GADL1: variants seen among roughly 807,000 people sequenced by gnomAD.
The protein encoded by GADL1 is acidic amino acid decarboxylase GADL1.
Under a neutral mutation model 69.5 loss-of-function variants are expected in GADL1, and 71 were observed. That is an observed-to-expected ratio of 1.02 (90% CI 0.84 to 1.25). GADL1 has a LOEUF of 1.25. Ranked by LOEUF, GADL1 falls within the 50% of genes most tolerant of loss-of-function variation. The pLI is 0.00. For synonymous variants in GADL1, 254 were observed against 214.4 expected, an observed-to-expected ratio of 1.18 and a Z score of -1.62; for missense variants, 737 against 631.8, an observed-to-expected ratio of 1.17 and a Z score of -1.79.
At chr3:30,780,897 C>T (rs1326509231) in intron 13 of GADL1, among the ~76,000 whole-genome samples, 1 of 152,054 alleles carries the variant, frequency 6.6e-6, no homozygotes, top group Non-Finnish European at 1.5e-5. Flanking sequence ...TGAATTTTTG[C>T]AAAAATATAT....
intron 14 of GADL1, among the ~76,000 whole-genome samples, chr3:30,773,696 G>C (rs73061060): frequency 0.084 from 12,756 of 152,106 alleles, 736 homozygotes; most frequent in South Asian, 0.2. Flanking sequence ...GCTCTTTATA[G>C]TTGAATAGTT....
chr3:30,761,680 GA>G (rs1486245232), intron 14 of GADL1, among the ~76,000 whole-genome samples: 1 of 149,602 alleles, frequency 6.7e-6, no homozygotes, highest in Non-Finnish European at 1.5e-5. Flanking sequence ...AAAGGAATGA[GA>G]TTTTTTTAGA....
intron 11 of GADL1, among the ~76,000 whole-genome samples, chr3:30,807,965 G>GTGA (rs56887827): frequency 1.3e-5 from 2 of 152,062 alleles, no homozygotes; most frequent in African/African-American, 4.8e-5. Context: ...CCGGGAGGTG[G>GTGA]AGATTGCAGT....
At chr3:30,849,941 C>T in intron 6 of GADL1, 55 bp downstream of exon 6, 1 of 1,042,176 alleles carries the variant, frequency 9.6e-7, no homozygotes, top group Non-Finnish European at 1.5e-6. Context: ...AAACAAAGCC[C>T]TCTTAAATAT....
intron 1 of GADL1, among the ~76,000 whole-genome samples, chr3:30,866,230 G>A (rs1394543164): frequency 6.6e-6 from 1 of 152,032 alleles, no homozygotes; most frequent in Non-Finnish European, 1.5e-5. Context: ...GGCTGAGGCA[G>A]GCAGATCACT....
At chr3:30,752,547 A>G (rs1292234181) in intron 14 of GADL1, among the ~76,000 whole-genome samples, 2 of 152,190 alleles carry the variant, frequency 1.3e-5, no homozygotes, top group Non-Finnish European at 2.9e-5. Flanking sequence ...TTAAATCACC[A>G]TAACCACTCA....
chr3:30,858,096 C>G lies in GADL1; in HGVS notation c.211-955G>C, dbSNP rs78575216. ...CTTTTTACAAAGCACTTATCACCCT[C>G]TAATATACTGTTACTTATTGTATCC... On this transcript the variant is annotated intron_variant, in intron 2 of 14. Coordinates refer to ENST00000282538, the MANE Select transcript of GADL1 (RefSeq NM_207359.3). Among the ~76,000 whole-genome samples, 1,501 of 152,124 alleles carry G rather than the reference C, an allele frequency of 9.9e-3. 24 individuals are homozygous for G. The highest frequency in any genetic ancestry group is 0.035 in the African/African-American group (1,435 of 41,516).
chr3:30,842,822 TAAAAA>T (rs558126002), intron 8 of GADL1, among the ~76,000 whole-genome samples: 5 of 103,490 alleles, frequency 4.8e-5, no homozygotes, highest in South Asian at 3.4e-4. Context: ...TTGGAATGTT[TAAAAA>T]AAAAAAAAAA....
intron 1 of GADL1, among the ~76,000 whole-genome samples, chr3:30,879,387 C>T (rs1698614931): frequency 6.6e-6 from 1 of 151,862 alleles, no homozygotes; most frequent in African/African-American, 2.4e-5. Flanking sequence ...AATCTACCTT[C>T]CTCTGAGGAC....
Position 30,875,934 on chromosome 3 carries a change from C to T in GADL1, c.38-14169G>A, listed in dbSNP as rs372070199. 9.2e-5 allele frequency among the ~76,000 whole-genome samples: 14 copies of T among 151,954 alleles called. No individual in the cohort carries two copies. The East Asian group carries it at 9.7e-4, about 11-fold the overall frequency. Reference sequence around the variant, plus strand: ...TCACTATCACAGTTTGGCAATTGGACACGCCTGGATTACCAGATTTTCCTA... The same window carrying T: ...TCACTATCACAGTTTGGCAATTGGATACGCCTGGATTACCAGATTTTCCTA... On this transcript the variant is annotated intron_variant, in intron 1 of 14. Transcript: ENST00000282538.
intron 4 of GADL1, among the ~76,000 whole-genome samples, chr3:30,852,684 A>G (rs1255899770): frequency 6.6e-6 from 1 of 152,132 alleles, no homozygotes; most frequent in African/African-American, 2.4e-5. Context: ...AAACTGGCTC[A>G]ATTATAAACC....
chr3:30,850,910 A>G lies in GADL1; in HGVS notation c.460T>C (p.Leu154=). 4.5e-6 allele frequency: 7 copies of G among 1,549,266 alleles called. No homozygotes were observed. The highest frequency in any genetic ancestry group is 6.1e-6 in the Non-Finnish European group (7 of 1,144,956). The part of the protein sequence containing the change: ...YTYEVSPVFL[L]VEEAVLKKMI... ...TTCTTCAGAACCGCTTCTTCCACTA[A>G]CAGAAACACTGGGGACACCTCATAC... Residue 154 remains leucine (L), a synonymous_variant, in exon 5 of 15, where the codon TTA becomes CTA. Transcript: ENST00000282538.
chr3:30,885,165 C>T (rs916055281), intron 1 of GADL1, among the ~76,000 whole-genome samples: 1 of 152,050 alleles, frequency 6.6e-6, no homozygotes, highest in African/African-American at 2.4e-5. Context: ...TTTCTAACTC[C>T]TCATTATGCC....
intron 14 of GADL1, among the ~76,000 whole-genome samples, chr3:30,772,696 G>A (rs9865019): frequency 0.1 from 15,162 of 152,070 alleles, 2,174 homozygotes; most frequent in African/African-American, 0.32. Flanking sequence ...CCAACATGGT[G>A]AAACCCCATC....
At position 30,876,059 on chromosome 3, in the gene GADL1, T is replaced by G. The variant is rs571760170; in HGVS notation, c.38-14294A>C. On this transcript the variant is annotated intron_variant, in intron 1 of 14. Coordinates refer to ENST00000282538, the MANE Select transcript of GADL1 (RefSeq NM_207359.3). The stretch of plus-strand genomic sequence containing the variant: ...CCTTATGAATGTTTTCTTCAGTTCC[T>G]GCTACAATTGTGTGTAAGGTCTAAT... 1.4e-4 allele frequency among the ~76,000 whole-genome samples: 22 copies of G among 152,134 alleles called. 1 individual carries two copies. The South Asian group carries it at 4.6e-3, about 31-fold the overall frequency.
intron 11 of GADL1, among the ~76,000 whole-genome samples, chr3:30,832,373 G>C (rs576132838): frequency 6.6e-6 from 1 of 151,068 alleles, no homozygotes; most frequent in East Asian, 2.0e-4. Context: ...GGAGTTATAT[G>C]ATCCAGAAAA....
chr3:30,742,488 C>T (rs1322123201), intron 14 of GADL1, among the ~76,000 whole-genome samples: 1 of 152,122 alleles, frequency 6.6e-6, no homozygotes, highest in Non-Finnish European at 1.5e-5. Context: ...ACATCTACTG[C>T]AGTACATTTC....
intron 14 of GADL1, among the ~76,000 whole-genome samples, chr3:30,739,803 T>C (rs1332541882): frequency 6.6e-6 from 1 of 152,088 alleles, no homozygotes; most frequent in Non-Finnish European, 1.5e-5. Flanking sequence ...ATTGAGAAAA[T>C]GTTAAGTATG....
intron 14 of GADL1, among the ~76,000 whole-genome samples, chr3:30,754,467 C>G (rs139977332): frequency 1.3e-4 from 19 of 149,982 alleles, no homozygotes; most frequent in Admixed American, 2.0e-4. Context: ...ATAGGAATGC[C>G]AATGACGGAC....
Sources: gnomAD v4.1 joint callset for allele counts (sites outside exome capture counted in the v4.1 genomes callset) on GRCh38, gnomAD v4.1.1 for gene constraint, MANE v1.5 for transcripts, NCBI Gene and HGNC (gene_info 2026-07-23, HGNC 2026-07-21) for gene names.